The following BNC2 variants were observed in gnomAD, a reference collection of about 807,000 sequenced individuals.
BNC2 encodes basonuclin zinc finger protein 2.
BNC2 carries 20 observed loss-of-function variants against 76.3 expected under a neutral mutation model. The observed-to-expected ratio is 0.26, with a 90% CI of 0.18 to 0.38. The LOEUF (loss-of-function observed/expected upper bound fraction) is 0.38. Among genes scored for constraint, BNC2 ranks in the 10% least tolerant of loss-of-function variants. BNC2 has a pLI of 1.00. For synonymous variants in BNC2, 582 were observed against 514.8 expected, an observed-to-expected ratio of 1.13 and a Z score of -1.77; for missense variants, 1,382 against 1,399.8, an observed-to-expected ratio of 0.99 and a Z score of 0.20.
intron 6 of BNC2, among the ~76,000 whole-genome samples, chr9:16,432,946 TA>T (rs1820935048): frequency 1.3e-5 from 2 of 152,348 alleles, no homozygotes; most frequent in African/African-American, 4.8e-5. Context: ...ATCAGAGATG[TA>T]ATCCAAGAGG....
chr9:16,806,971 T>C (rs1347817812), intron 1 of BNC2, among the ~76,000 whole-genome samples: 1 of 151,914 alleles, frequency 6.6e-6, no homozygotes, highest in African/African-American at 2.4e-5. Context: ...AGGTGTGCTA[T>C]AAATTTAACT....
At chr9:16,790,068 C>G (rs953600413) in intron 1 of BNC2, among the ~76,000 whole-genome samples, 1 of 152,180 alleles carries the variant, frequency 6.6e-6, no homozygotes, top group African/African-American at 2.4e-5. Context: ...GGCGCGATCT[C>G]GGCTCACTGC....
chr9:16,501,575 T>G (rs1390790846), intron 5 of BNC2, among the ~76,000 whole-genome samples: 1 of 152,184 alleles, frequency 6.6e-6, no homozygotes, highest in Non-Finnish European at 1.5e-5. Flanking sequence ...CAGAGCCTAA[T>G]ACATGCTTTT....
chr9:16,788,419 G>GGC (rs1826366493), intron 1 of BNC2, among the ~76,000 whole-genome samples: 1 of 151,970 alleles, frequency 6.6e-6, no homozygotes, highest in African/African-American at 2.4e-5. Context: ...CGGGCGTGGT[G>GGC]GTAGGCTCCT....
intron 1 of BNC2, among the ~76,000 whole-genome samples, chr9:16,830,570 G>T (rs142450820): frequency 2.0e-5 from 3 of 152,118 alleles, no homozygotes; most frequent in Admixed American, 2.0e-4. Flanking sequence ...TTTGATCCAC[G>T]GTTGGTTGAA....
intron 5 of BNC2, among the ~76,000 whole-genome samples, chr9:16,467,602 T>C: frequency 7.1e-6 from 1 of 141,288 alleles, no homozygotes; most frequent in South Asian, 2.5e-4. Flanking sequence ...AAACACCGCA[T>C]ATTCTCACTC....
At chr9:16,633,387 CT>C (rs1821223817) in intron 3 of BNC2, among the ~76,000 whole-genome samples, 1 of 152,222 alleles carries the variant, frequency 6.6e-6, no homozygotes, top group South Asian at 2.1e-4. Flanking sequence ...CTTACTCCAG[CT>C]AAACTTCATT....
At position 16,417,256 on chromosome 9, in the gene BNC2, T is replaced by C. The variant is rs1310291964; in HGVS notation, c.*1733A>G. ...TCATCATTTAGTCAGTATGTTGTGG[T>C]AGCTGAGGCTGCCGATGTGGTTAAC... On this transcript the variant is annotated 3_prime_UTR_variant, in exon 7 of 7. Coordinates refer to ENST00000380672, the MANE Select transcript of BNC2 (RefSeq NM_017637.6). The C allele has an allele frequency of 1.3e-5, 2 of 152,650 alleles. No individual in the cohort carries two copies. Among genetic ancestry groups the C allele is most frequent in the Admixed American group, 6.5e-5 (1 of 15,290 alleles). 9.5% of individuals were successfully genotyped at this position (152,650 alleles called of 1,614,324 possible). A position where few individuals can be genotyped will look rare whatever the true frequency, so the allele number is the denominator to read the frequency against.
chr9:16,603,141 A>C (rs576018634), intron 3 of BNC2, among the ~76,000 whole-genome samples: 13 of 152,304 alleles, frequency 8.5e-5, no homozygotes, highest in African/African-American at 3.1e-4. Flanking sequence ...AAATCTATCA[A>C]GAAGCAAAAG....
At chr9:16,820,056 C>A (rs1287781976) in intron 1 of BNC2, among the ~76,000 whole-genome samples, 5 of 133,422 alleles carry the variant, frequency 3.7e-5, no homozygotes, top group African/African-American at 1.2e-4. Flanking sequence ...GCCCAGGAGG[C>A]AGAGGCTGCA....
At chr9:16,811,823 A>C (rs1818063497) in intron 1 of BNC2, among the ~76,000 whole-genome samples, 1 of 152,194 alleles carries the variant, frequency 6.6e-6, no homozygotes, top group African/African-American at 2.4e-5. Flanking sequence ...AAGCAGTAAA[A>C]CATTGGTGGG....
chr9:16,850,008 C>A (rs1819089288), intron 1 of BNC2, among the ~76,000 whole-genome samples: 2 of 152,154 alleles, frequency 1.3e-5, no homozygotes, highest in African/African-American at 4.8e-5. Flanking sequence ...TTATGCCCCC[C>A]ACACACAGAT....
intron 3 of BNC2, among the ~76,000 whole-genome samples, chr9:16,628,856 A>G (rs183422034): frequency 6.6e-6 from 1 of 152,336 alleles, no homozygotes; most frequent in Non-Finnish European, 1.5e-5. Flanking sequence ...AGAAAGTCCA[A>G]CAGCATTGGT....
intron 1 of BNC2, among the ~76,000 whole-genome samples, chr9:16,822,089 T>C (rs1478120298): frequency 1.1e-5 from 1 of 88,466 alleles, no homozygotes; most frequent in Non-Finnish European, 1.9e-5. Context: ...CCAGACTCCA[T>C]CTCAAAAAAA....
At chr9:16,589,416 G>T (rs1819861354) in intron 3 of BNC2, among the ~76,000 whole-genome samples, 1 of 151,928 alleles carries the variant, frequency 6.6e-6, no homozygotes, top group Non-Finnish European at 1.5e-5. Flanking sequence ...AAACTCCTAA[G>T]CTCAAGCGAT....
intron 3 of BNC2, among the ~76,000 whole-genome samples, chr9:16,633,605 A>T (rs1821230984): frequency 6.6e-6 from 1 of 152,216 alleles, no homozygotes. Flanking sequence ...AAAACCATTC[A>T]AAAGTTTTTA....
chr9:16,757,428 C>A (rs1451077158), intron 1 of BNC2, among the ~76,000 whole-genome samples: 1 of 152,222 alleles, frequency 6.6e-6, no homozygotes, highest in African/African-American at 2.4e-5. Flanking sequence ...TAAACTCACT[C>A]ATGCCCTGGC....
intron 3 of BNC2, among the ~76,000 whole-genome samples, chr9:16,649,906 GC>G (rs1165253768): frequency 6.6e-6 from 1 of 152,156 alleles, no homozygotes; most frequent in Non-Finnish European, 1.5e-5. Context: ...AGACACAGAG[GC>G]CTTCATAAAT....
chr9:16,577,123 G>C (rs1420286181), intron 4 of BNC2, among the ~76,000 whole-genome samples: 7 of 152,054 alleles, frequency 4.6e-5, no homozygotes, highest in Non-Finnish European at 1.0e-4. Context: ...TTTTCTTTTA[G>C]GTATGGGCTT....
Sources: allele counts gnomAD v4.1 joint callset (sites outside exome capture counted in the v4.1 genomes callset), GRCh38; gene constraint gnomAD v4.1.1; transcripts MANE v1.5; gene names NCBI Gene and HGNC (gene_info 2026-07-23, HGNC 2026-07-21).